The following NDUFA13 variants were observed in gnomAD, a reference collection of about 807,000 sequenced individuals.
The protein encoded by NDUFA13 is NADH:ubiquinone oxidoreductase subunit A13, also known as NADH dehydrogenase [ubiquinone] 1 alpha subcomplex subunit 13.
Under a neutral mutation model 17.0 loss-of-function variants are expected in NDUFA13, and 16 were observed. The observed-to-expected ratio is 0.94, with a 90% CI of 0.64 to 1.43. The LOEUF (loss-of-function observed/expected upper bound fraction) is 1.43. Among genes scored for constraint, NDUFA13 ranks in the 40% most tolerant of loss-of-function variants. NDUFA13 has a pLI of 0.00. For missense variants in NDUFA13, 228 were observed against 206.7 expected, an observed-to-expected ratio of 1.10 and a Z score of -0.63; for synonymous variants, 87 against 78.4, an observed-to-expected ratio of 1.11 and a Z score of -0.58.
At chr19:19,517,680 G>T (rs1026960646) in intron 1 of NDUFA13, among the ~76,000 whole-genome samples, 9 of 151,188 alleles carry the variant, frequency 6.0e-5, no homozygotes, top group African/African-American at 1.2e-4. Context: ...CCCCTTCTTG[G>T]TTTTTTTATT....
chr19:19,527,333 C>G lies in NDUFA13; in HGVS notation c.226C>G (p.Gln76Glu), dbSNP rs10820. 1.3e-5 allele frequency: 21 copies of G among 1,613,814 alleles called. No homozygotes were observed. Among genetic ancestry groups the G allele is most frequent in the Non-Finnish European group, 1.8e-5 (21 of 1,180,024 alleles). The change falls in exon 3 of 5, where the codon CAG becomes GAG. Residue 76 changes from glutamine to glutamate, a missense_variant. Transcript: ENST00000507754. ...TCGCATCGCGCTGTTGCCACTGTTACAGGCAGAAACCGACCGGAGGTAGCA... is the reference window on the plus strand; with the variant it reads ...TCGCATCGCGCTGTTGCCACTGTTAGAGGCAGAAACCGACCGGAGGTAGCA... ...EARIALLPLLQAETDRRTLQM... is the reference protein window; with the variant it reads ...EARIALLPLLEAETDRRTLQM...
intron 1 of NDUFA13, among the ~76,000 whole-genome samples, chr19:19,521,123 A>C (rs1019772187): frequency 1.3e-5 from 2 of 152,172 alleles, no homozygotes; most frequent in Non-Finnish European, 2.9e-5. Flanking sequence ...TGTTTTCCAA[A>C]TTGGCTGCAC....
intron 1 of NDUFA13, among the ~76,000 whole-genome samples, chr19:19,525,661 G>C (rs1297213105): frequency 6.6e-6 from 1 of 152,190 alleles, no homozygotes; most frequent in Non-Finnish European, 1.5e-5. Context: ...GGCCCCACTG[G>C]TGCTCAGTAA....
intron 1 of NDUFA13, among the ~76,000 whole-genome samples, chr19:19,524,666 C>T (rs373523652): frequency 6.6e-6 from 1 of 151,966 alleles, no homozygotes; most frequent in African/African-American, 2.4e-5. Context: ...ATTAGCCTGG[C>T]GTGGTGGTGG....
chr19:19,518,721 G>A (rs7245689), intron 1 of NDUFA13, among the ~76,000 whole-genome samples: 20,108 of 135,734 alleles, frequency 0.15, 1,586 homozygotes, highest in Middle Eastern at 0.28. Flanking sequence ...GCGCCACCAT[G>A]CCCTGCGATT....
At chr19:19,521,290 T>C (rs1365676289) in intron 1 of NDUFA13, among the ~76,000 whole-genome samples, 1 of 56,170 alleles carries the variant, frequency 1.8e-5, no homozygotes, top group African/African-American at 9.0e-5. Context: ...TTTTGGGTCT[T>C]TTTTTGCTCA....
chr19:19,527,859 C>G (rs976489785), intron 4 of NDUFA13, 89 bp downstream of exon 4: 1 of 1,497,128 alleles, frequency 6.7e-7, no homozygotes, highest in Non-Finnish European at 9.1e-7. Flanking sequence ...TATAGAAACC[C>G]CAGGACCAAG....
intron 1 of NDUFA13, among the ~76,000 whole-genome samples, chr19:19,523,472 T>G (rs2061087571): frequency 6.6e-6 from 1 of 151,936 alleles, no homozygotes; most frequent in African/African-American, 2.4e-5. Flanking sequence ...TTTGGTTTTG[T>G]TTTCTGAAAC....
rs183997588 is a variant in NDUFA13 at position 19,524,337 on chromosome 19, G to A, written c.95-1845G>A. Reference sequence around the variant, plus strand: ...CATCTCTGTTCTATGCCAGTGCCACGCTGTCTTGTACACACAGCTGTGGGA... The same window carrying A: ...CATCTCTGTTCTATGCCAGTGCCACACTGTCTTGTACACACAGCTGTGGGA... On this transcript the variant is annotated intron_variant, in intron 1 of 4. Coordinates refer to ENST00000507754, the MANE Select transcript of NDUFA13 (RefSeq NM_015965.7). Among the ~76,000 whole-genome samples, 338 of 152,334 alleles carry A rather than the reference G, an allele frequency of 2.2e-3. 3 individuals carry two copies. Among genetic ancestry groups the A allele is most frequent in the African/African-American group, 7.8e-3 (325 of 41,570 alleles).
intron 1 of NDUFA13, among the ~76,000 whole-genome samples, chr19:19,521,350 G>A (rs1240214641): frequency 1.3e-5 from 2 of 152,254 alleles, no homozygotes; most frequent in Non-Finnish European, 2.9e-5. Flanking sequence ...GGCTGATGAT[G>A]TCGAACATTT....
intron 1 of NDUFA13, chr19:19,525,947 T>A: frequency 7.9e-7 from 1 of 1,271,318 alleles, no homozygotes; most frequent in Non-Finnish European, 1.0e-6. Flanking sequence ...TAGAACACGA[T>A]GGACCTGGGG....
chr19:19,524,111 C>T (rs752030524), intron 1 of NDUFA13, among the ~76,000 whole-genome samples: 3 of 152,150 alleles, frequency 2.0e-5, no homozygotes, highest in Non-Finnish European at 4.4e-5. Context: ...GAGGCCCGGT[C>T]TCCAAAACCA....
At chr19:19,525,358 G>A (rs2061095315) in intron 1 of NDUFA13, among the ~76,000 whole-genome samples, 1 of 152,254 alleles carries the variant, frequency 6.6e-6, no homozygotes, top group Non-Finnish European at 1.5e-5. Context: ...CAGGTGCAGA[G>A]CAGGGCCCGG....
chr19:19,522,477 C>CTTTTTTTTT (rs3067694), intron 1 of NDUFA13, among the ~76,000 whole-genome samples: 3,163 of 94,816 alleles, frequency 0.033, 379 homozygotes, highest in Middle Eastern at 0.049. Flanking sequence ...GTCTTTGATC[C>CTTTTTTTTT]TTTTTTTTTT....
intron 1 of NDUFA13, among the ~76,000 whole-genome samples, chr19:19,518,807 A>G (rs1209051362): frequency 7.4e-6 from 1 of 135,148 alleles, no homozygotes; most frequent in Non-Finnish European, 1.5e-5. Context: ...CAATGGTGCA[A>G]TCTTGGCTCA....
chr19:19,519,686 C>T (rs1007727121), intron 1 of NDUFA13, among the ~76,000 whole-genome samples: 1 of 152,168 alleles, frequency 6.6e-6, no homozygotes, highest in African/African-American at 2.4e-5. Flanking sequence ...ATAACCTGGG[C>T]CCACTTAAGC....
chr19:19,525,921 G>C (rs1002051209), intron 1 of NDUFA13: 45 of 987,742 alleles, frequency 4.6e-5, no homozygotes, highest in Non-Finnish European at 6.2e-5. Context: ...TGCCGCCCAG[G>C]GTCCAAACAG....
intron 1 of NDUFA13, among the ~76,000 whole-genome samples, chr19:19,525,277 T>A (rs142352905): frequency 2.0e-4 from 30 of 152,380 alleles, no homozygotes; most frequent in African/African-American, 7.0e-4. Flanking sequence ...GTTTCTCATT[T>A]ATCTCCGGGT....
intron 1 of NDUFA13, among the ~76,000 whole-genome samples, chr19:19,522,231 G>T (rs2061081114): frequency 6.6e-6 from 1 of 151,764 alleles, no homozygotes; most frequent in African/African-American, 2.4e-5. Flanking sequence ...CGTGAACCCG[G>T]GAGGCGGAGC....
Sources: gnomAD v4.1 joint callset for allele counts (sites outside exome capture counted in the v4.1 genomes callset) on GRCh38, gnomAD v4.1.1 for gene constraint, MANE v1.5 for transcripts, NCBI Gene and HGNC (gene_info 2026-07-23, HGNC 2026-07-21) for gene names.